Variants in N4BP1 observed in about 807,000 individuals in gnomAD.
N4BP1 encodes NEDD4 binding protein 1, also known as NEDD4-binding protein 1.
A neutral mutation model predicts 70.9 loss-of-function variants in N4BP1; 21 were observed. The ratio of observed to expected loss-of-function variants is 0.30; its 90% CI spans 0.21 to 0.43. The LOEUF is 0.43. Ranked by LOEUF, N4BP1 falls within the 20% of genes least tolerant of loss-of-function variation. The probability of loss-of-function intolerance (pLI) is 1.00; values close to 1 mark genes in which losing one functional copy is unlikely to be tolerated. For missense variants in N4BP1, 936 were observed against 1,069.4 expected (o/e 0.88, Z 1.74); for synonymous variants, 387 against 394.6 (o/e 0.98, Z 0.23).
chr16:48,597,315 C>A (rs192971932), intron 1 of N4BP1, among the ~76,000 whole-genome samples: 83 of 152,278 alleles, frequency 5.5e-4, no homozygotes, highest in African/African-American at 1.9e-3. Flanking sequence ...AAGACAGATT[C>A]TGAATTTAGG....
chr16:48,607,593 G>C lies in N4BP1; in HGVS notation c.198+2182C>G, dbSNP rs1597117754. The stretch of plus-strand genomic sequence containing the variant: ...TGAATGAGTAAAGGCAATGGAGCAA[G>C]GGAGGGGACACACAGGAATGAAAGT... On this transcript the variant is annotated intron_variant, in intron 1 of 6. Coordinates refer to ENST00000262384, the MANE Select transcript of N4BP1 (RefSeq NM_153029.4). Among the ~76,000 whole-genome samples, 4 of 152,314 alleles carry C rather than the reference G, an allele frequency of 2.6e-5. No homozygotes were observed. In the Middle Eastern group the frequency reaches 0.014, roughly 518 times the overall value.
chr16:48,609,429 G>C (rs1342305381), intron 1 of N4BP1, among the ~76,000 whole-genome samples: 1 of 152,172 alleles, frequency 6.6e-6, no homozygotes, highest in Non-Finnish European at 1.5e-5. Flanking sequence ...CCATCCTGGG[G>C]GCCGGGGAAC....
intron 2 of N4BP1, among the ~76,000 whole-genome samples, chr16:48,558,697 C>T (rs975106863): frequency 1.3e-5 from 2 of 152,192 alleles, no homozygotes; most frequent in Admixed American, 6.5e-5. Context: ...TTTTGTGTCA[C>T]GAGTTGGCTC....
chr16:48,573,063 T>C (rs1460444742), intron 1 of N4BP1, among the ~76,000 whole-genome samples: 1 of 148,926 alleles, frequency 6.7e-6, no homozygotes, highest in Non-Finnish European at 1.5e-5. Context: ...TGACCCGAGA[T>C]GTGCCACTGC....
intron 1 of N4BP1, among the ~76,000 whole-genome samples, chr16:48,571,243 CA>C (rs1964016537): frequency 6.6e-6 from 1 of 152,152 alleles, no homozygotes; most frequent in South Asian, 2.1e-4. Context: ...AAAAGTTGAT[CA>C]TATCTCCTCC....
intron 2 of N4BP1, among the ~76,000 whole-genome samples, chr16:48,554,386 T>C (rs578036652): frequency 3.9e-5 from 6 of 152,178 alleles, no homozygotes; most frequent in Non-Finnish European, 5.9e-5. Flanking sequence ...ATTTGGCCCA[T>C]AGTTTACAAT....
chr16:48,607,190 A>T (rs1964595803), intron 1 of N4BP1, among the ~76,000 whole-genome samples: 1 of 152,226 alleles, frequency 6.6e-6, no homozygotes, highest in African/African-American at 2.4e-5. Context: ...TTTCCCAAAC[A>T]GCTTGGCTAA....
At chr16:48,594,106 T>C (rs1289712740) in intron 1 of N4BP1, among the ~76,000 whole-genome samples, 2 of 152,022 alleles carry the variant, frequency 1.3e-5, no homozygotes, top group Non-Finnish European at 2.9e-5. Context: ...AGAATTTTCA[T>C]GTAATATTAA....
intron 2 of N4BP1, among the ~76,000 whole-genome samples, chr16:48,560,060 G>C (rs1356604034): frequency 6.6e-6 from 1 of 151,876 alleles, no homozygotes; most frequent in East Asian, 1.9e-4. Context: ...GGAGGCTCTT[G>C]ACCCTCACAC....
intron 1 of N4BP1, among the ~76,000 whole-genome samples, chr16:48,581,386 A>T (rs1459828519): frequency 6.6e-6 from 1 of 152,140 alleles, no homozygotes; most frequent in Non-Finnish European, 1.5e-5. Flanking sequence ...CCGCTCTTTC[A>T]ATATGGTATT....
chr16:48,557,423 G>A (rs140910709), intron 2 of N4BP1, among the ~76,000 whole-genome samples: 73 of 152,204 alleles, frequency 4.8e-4, no homozygotes, highest in Non-Finnish European at 7.8e-4. Context: ...ATGTAACCCT[G>A]GAAAACATTT....
At position 48,560,920 on chromosome 16, in the gene N4BP1, T is replaced by C. The variant is rs1391799731; in HGVS notation, c.1723A>G (p.Thr575Ala). The C allele has an allele frequency of 4.3e-6, 7 of 1,614,010 alleles. No homozygotes were observed. The highest frequency in any genetic ancestry group is 5.9e-6 in the Non-Finnish European group (7 of 1,179,884). Residue 575 changes from threonine to alanine, a missense_variant, in exon 2 of 7, where the codon ACT becomes GCT. Physicochemically the swap from Thr to Ala is moderately conservative, Grantham distance 58. Around this residue, in one of 4 missense-constraint regions of N4BP1, gnomAD observed 515 missense variants for 491.7 expected, o/e 1.05. Coordinates refer to ENST00000262384, the MANE Select transcript of N4BP1 (RefSeq NM_153029.4). ...MPLPQLLPSVTDARSAGPSDH... is the reference protein window; with the variant it reads ...MPLPQLLPSVADARSAGPSDH... ...GAAGGTCCTGCCGACCTTGCATCAG[T>C]AACCGAAGGTAACAGCTGGGGCAGT...
intron 1 of N4BP1, among the ~76,000 whole-genome samples, chr16:48,600,814 T>TA (rs1364131986): frequency 6.6e-6 from 1 of 152,236 alleles, no homozygotes; most frequent in African/African-American, 2.4e-5. Context: ...AGATGTTAGA[T>TA]TGCATCTCAG....
intron 6 of N4BP1, 142 bp downstream of exon 6, chr16:48,546,005 G>GT: frequency 1.9e-6 from 1 of 519,618 alleles, no homozygotes; most frequent in Non-Finnish European, 3.3e-6. Flanking sequence ...TCCAGCCTCG[G>GT]TGACAGAGGA....
chr16:48,550,604 A>G (rs1399595161), intron 4 of N4BP1, among the ~76,000 whole-genome samples: 1 of 152,094 alleles, frequency 6.6e-6, no homozygotes, highest in Non-Finnish European at 1.5e-5. Flanking sequence ...ATGCCAAGCT[A>G]AGAAATGCAG....
rs1288937772 is a variant in N4BP1 at position 48,562,377 on chromosome 16, C to T, written c.266G>A (p.Cys89Tyr). 6.2e-7 allele frequency: 1 copy of T among 1,613,642 alleles called. No homozygotes were observed. The highest frequency in any genetic ancestry group is 8.5e-7 in the Non-Finnish European group (1 of 1,179,770). Residue 89 changes from cysteine (C) to tyrosine (Y), a missense_variant, in exon 2 of 7, where the codon TGC becomes TAC. Around this residue, in one of 4 missense-constraint regions of N4BP1, gnomAD observed 187 missense variants for 217.1 expected, o/e 0.86. Transcript: ENST00000262384. ...CAGGCTCTCTGCCCCAACAAAAATG[C>T]AGTGCATGTCCTTGGGGTAACATTC... ...ERECYPKDMHCIFVGAESLFL... is the reference protein window; with the variant it reads ...ERECYPKDMHYIFVGAESLFL...
chr16:48,605,423 C>T (rs990619455), intron 1 of N4BP1, among the ~76,000 whole-genome samples: 1 of 152,178 alleles, frequency 6.6e-6, no homozygotes, highest in African/African-American at 2.4e-5. Flanking sequence ...AGGGTCCCAC[C>T]TCTGCTTCTT....
At chr16:48,587,030 G>A (rs1964255535) in intron 1 of N4BP1, 1 of 152,156 alleles carries the variant, frequency 6.6e-6, no homozygotes. Context: ...CCTCCATCCT[G>A]ATTTTGTTGG....
intron 1 of N4BP1, among the ~76,000 whole-genome samples, chr16:48,570,262 C>T (rs931484235): frequency 6.6e-6 from 1 of 152,186 alleles, no homozygotes; most frequent in Non-Finnish European, 1.5e-5. Context: ...TGCCCATTTC[C>T]ACTTCCAGGT....
Sources: gnomAD v4.1 joint callset for allele counts (sites outside exome capture counted in the v4.1 genomes callset) on GRCh38, gnomAD v4.1.1 for gene constraint, gnomAD v4.1.1 regional missense constraint, MANE v1.5 for transcripts, NCBI Gene and HGNC (gene_info 2026-07-23, HGNC 2026-07-21) for gene names.